Variants in RMDN2 observed in about 807,000 individuals in gnomAD.
RMDN2 encodes the protein regulator of microtubule dynamics protein 2.
RMDN2 carries 61 observed loss-of-function variants against 52.8 expected under a neutral mutation model. The observed-to-expected ratio is 1.16, with a 90% CI of 0.94 to 1.43. The LOEUF (loss-of-function observed/expected upper bound fraction) is 1.43, where lower values mean the gene tolerates loss of function less well. Among genes scored for constraint, RMDN2 ranks in the 40% most tolerant of loss-of-function variants. RMDN2 has a pLI of 0.00. For synonymous variants in RMDN2, 180 were observed against 153.1 expected (o/e 1.18, Z -1.30); for missense variants, 592 against 475.3 (o/e 1.25, Z -2.28).
chr2:37,989,698 G>A, intron 6 of RMDN2, 82 bp downstream of exon 6: 3 of 904,436 alleles, frequency 3.3e-6, no homozygotes, highest in South Asian at 3.2e-5. Context: ...ATGTTTTAAT[G>A]TAGCCATATG....
chr2:38,031,496 T>A (rs1314620184), intron 10 of RMDN2, among the ~76,000 whole-genome samples: 1 of 152,084 alleles, frequency 6.6e-6, no homozygotes, highest in African/African-American at 2.4e-5. Context: ...GAATTTTCAC[T>A]TCTACAGAAC....
intron 8 of RMDN2, among the ~76,000 whole-genome samples, chr2:38,000,312 C>A (rs1038896467): frequency 6.6e-6 from 1 of 152,212 alleles, no homozygotes; most frequent in African/African-American, 2.4e-5. Context: ...ATGACCCAGA[C>A]TCATTGTTTC....
chr2:38,005,294 T>G (rs376930151), intron 10 of RMDN2, among the ~76,000 whole-genome samples: 12 of 152,388 alleles, frequency 7.9e-5, no homozygotes, highest in African/African-American at 2.6e-4. Context: ...TGCACAACGG[T>G]TGAACTAGTT....
At chr2:38,005,812 C>G (rs1478375512) in intron 10 of RMDN2, among the ~76,000 whole-genome samples, 9 of 152,192 alleles carry the variant, frequency 5.9e-5, no homozygotes, top group South Asian at 2.1e-4. Context: ...CCTAAGTTTT[C>G]TCCTAGGGTT....
chr2:38,009,081 G>A (rs1438072395), intron 10 of RMDN2, among the ~76,000 whole-genome samples: 1 of 152,350 alleles, frequency 6.6e-6, no homozygotes, highest in African/African-American at 2.4e-5. Context: ...TCAGCTGTTA[G>A]TCTGATGGGC....
intron 10 of RMDN2, among the ~76,000 whole-genome samples, chr2:38,044,012 C>G (rs897380746): frequency 6.6e-6 from 1 of 151,880 alleles, no homozygotes; most frequent in Admixed American, 6.6e-5. Context: ...TTAGAAATTT[C>G]TTTTAATATT....
At chr2:37,951,089 T>C in intron 2 of RMDN2, 1 of 786,060 alleles carries the variant, frequency 1.3e-6, no homozygotes, top group Non-Finnish European at 2.0e-6. Flanking sequence ...CCTATTCTTC[T>C]TATTCCCTGC....
rs1406094557 is a variant in RMDN2 at position 38,043,059 on chromosome 2, ATTGTT to A, written c.1714-23920_1714-23916del. On this transcript the variant is annotated intron_variant, in intron 10 of 10. Coordinates refer to the RMDN2 transcript ENST00000234195. ...TAGCTATATCCTCACTGATTTTCTG[ATTGTT>A]TTATCAGTCTGTTGTTGAAAAGATG... Among the ~76,000 whole-genome samples, 3 of 152,028 alleles carry A rather than the reference ATTGTT, an allele frequency of 2.0e-5. 1 individual carries two copies. Among genetic ancestry groups the A allele is most frequent in the Admixed American group, 2.0e-4 (3 of 15,260 alleles).
chr2:37,959,936 TTCCA>T (rs1239859748), intron 2 of RMDN2, among the ~76,000 whole-genome samples: 290 of 146,674 alleles, frequency 2.0e-3, no homozygotes, highest in African/African-American at 7.7e-3. Flanking sequence ...GTTTTTCCAT[TTCCA>T]TGTAGTTGTG....
chr2:38,006,581 C>T (rs1202317667), intron 10 of RMDN2, among the ~76,000 whole-genome samples: 3 of 152,082 alleles, frequency 2.0e-5, no homozygotes, highest in African/African-American at 4.8e-5. Flanking sequence ...CTGAAGTTGC[C>T]TATCAGCTTA....
rs528334511 is a variant in RMDN2 at position 37,925,404 on chromosome 2, A to C, written c.-38A>C. The C allele has an allele frequency of 6.6e-6, 1 of 152,268 alleles. No individual in the cohort carries two copies. The highest frequency in any genetic ancestry group is 1.5e-5 in the Non-Finnish European group (1 of 68,126). 9.4% of individuals were successfully genotyped at this position (152,268 alleles called of 1,614,324 possible). A position where few individuals can be genotyped will look rare whatever the true frequency, so the allele number is the denominator to read the frequency against. ...CTGGTCTCCGCTCTCCAACAGCTGA[A>C]AGGCCGGCGCAGTGAACACAGGTGC... On this transcript the variant is annotated 5_prime_UTR_variant, in exon 1 of 11. Coordinates refer to ENST00000354545, the MANE Select transcript of RMDN2 (RefSeq NM_001170791.3).
chr2:37,974,034 T>C lies in RMDN2; in HGVS notation c.453-6T>C. ...AAGGAGTTGATGATTATTTCTGCGATTTTAGGTATATTACAGCTAATACTG... is the reference window on the plus strand; with the variant it reads ...AAGGAGTTGATGATTATTTCTGCGACTTTAGGTATATTACAGCTAATACTG... On this transcript the variant is annotated splice_polypyrimidine_tract_variant and splice_region_variant and intron_variant, in intron 2 of 10. Coordinates refer to ENST00000354545, the MANE Select transcript of RMDN2 (RefSeq NM_001170791.3). 1 of 1,599,630 alleles carries C rather than the reference T, an allele frequency of 6.3e-7. No individual in the cohort carries two copies. Among genetic ancestry groups the C allele is most frequent in the East Asian group, 2.3e-5 (1 of 44,110 alleles).
intron 10 of RMDN2, among the ~76,000 whole-genome samples, chr2:38,052,568 T>G (rs1161579004): frequency 6.6e-6 from 1 of 152,228 alleles, no homozygotes; most frequent in Non-Finnish European, 1.5e-5. Flanking sequence ...TTGCTGGTGC[T>G]TTTGGAGTCT....
chr2:37,967,856 A>G (rs1215601256), intron 2 of RMDN2, among the ~76,000 whole-genome samples: 2 of 152,378 alleles, frequency 1.3e-5, no homozygotes, highest in East Asian at 3.9e-4. Flanking sequence ...AATAATGTAC[A>G]AAAGACAACA....
chr2:37,995,880 C>G (rs2373328), intron 7 of RMDN2, among the ~76,000 whole-genome samples: 63,080 of 152,018 alleles, frequency 0.41, 14,395 homozygotes, highest in East Asian at 0.77. Flanking sequence ...TATTCCTATT[C>G]TTTTTATAAA....
rs1667816805 is a variant in RMDN2 at position 37,941,853 on chromosome 2, GCTAGGCCA to G, written c.452+12127_452+12134del. On this transcript the variant is annotated intron_variant, in intron 2 of 10. Transcript: ENST00000354545. ...GCTCTGTAGGGGTGGGATCCGCTGA[GCTAGGCCA>G]CTTTGCTCCCTGGCTTCAGCCCCCT... Among the ~76,000 whole-genome samples the G allele has an allele frequency of 2.0e-5, 3 of 151,900 alleles. No homozygotes were observed. The South Asian group carries it at 6.3e-4, about 32-fold the overall frequency.
chr2:37,984,239 C>T (rs753564105), intron 5 of RMDN2, among the ~76,000 whole-genome samples: 13 of 152,118 alleles, frequency 8.5e-5, no homozygotes, highest in African/African-American at 2.2e-4. Flanking sequence ...TGTTTTTGTT[C>T]TACTGACAAA....
At position 37,925,384 on chromosome 2, in the gene RMDN2, C is replaced by G. The variant is rs1019732869; in HGVS notation, c.-58C>G. 1 of 152,408 alleles carries G rather than the reference C, an allele frequency of 6.6e-6. No homozygotes were observed. Among genetic ancestry groups the G allele is most frequent in the African/African-American group, 2.4e-5 (1 of 41,460 alleles). 9.4% of individuals were successfully genotyped at this position (152,408 alleles called of 1,614,324 possible). On this transcript the variant is annotated 5_prime_UTR_variant, in exon 1 of 11. Transcript: ENST00000354545. ...CCACTGCGCGCCAGCAGGTCCTGGT[C>G]TCCGCTCTCCAACAGCTGAAAGGCC...
intron 5 of RMDN2, among the ~76,000 whole-genome samples, chr2:37,981,786 A>T (rs959423540): frequency 1.3e-5 from 2 of 152,164 alleles, no homozygotes; most frequent in African/African-American, 4.8e-5. Context: ...AAACAAAGAG[A>T]ATTTAATTAG....
Sources: gnomAD v4.1 joint callset for allele counts (sites outside exome capture counted in the v4.1 genomes callset) on GRCh38, gnomAD v4.1.1 for gene constraint, MANE v1.5 for transcripts, NCBI Gene and HGNC (gene_info 2026-07-23, HGNC 2026-07-21) for gene names.